IL1RAPL1: variants seen among roughly 807,000 people sequenced by gnomAD.
IL1RAPL1 encodes interleukin-1 receptor accessory protein-like 1.
Under a neutral mutation model 48.4 loss-of-function variants are expected in IL1RAPL1, and 3 were observed. That is an observed-to-expected ratio of 0.06 (90% CI 0.03 to 0.16). IL1RAPL1 has a LOEUF of 0.16. IL1RAPL1 is among the 10% of genes least tolerant of loss of function. The pLI, the probability that IL1RAPL1 is intolerant of heterozygous loss-of-function variation, is 1.00. For synonymous variants in IL1RAPL1, 185 were observed against 187.7 expected, an observed-to-expected ratio of 0.99 and a Z score of 0.12; for missense variants, 349 against 530.6, an observed-to-expected ratio of 0.66 and a Z score of 3.36.
chrX:29,195,503 T>A lies in IL1RAPL1; in HGVS notation c.83-87435T>A, dbSNP rs770313653. On this transcript the variant is annotated intron_variant, in intron 2 of 10. Coordinates refer to ENST00000378993, the MANE Select transcript of IL1RAPL1 (RefSeq NM_014271.4). Reference sequence around the variant, plus strand: ...GGGATAAGTACTTTTATCTCTCCAATATAGTAAATTCACCAATATCGTCCA... The same window carrying A: ...GGGATAAGTACTTTTATCTCTCCAAAATAGTAAATTCACCAATATCGTCCA... Among the ~76,000 whole-genome samples the A allele has an allele frequency of 3.6e-5, 4 of 110,266 alleles. No individual in the cohort carries two copies. The East Asian group carries it at 1.1e-3, about 31-fold the overall frequency.
chrX:29,790,100 G>A (rs1455393124), intron 6 of IL1RAPL1, among the ~76,000 whole-genome samples: 3 of 111,104 alleles, frequency 2.7e-5, no homozygotes, highest in Non-Finnish European at 5.7e-5. Context: ...TAGTGTCAAC[G>A]TTTTATCATG....
chrX:29,321,674 G>A (rs1420783995), intron 3 of IL1RAPL1, among the ~76,000 whole-genome samples: 3 of 111,725 alleles, frequency 2.7e-5, no homozygotes, highest in Non-Finnish European at 3.8e-5. Context: ...TACTTTTGGA[G>A]AGAGTGATAA....
chrX:29,822,520 A>G (rs1245943383), intron 6 of IL1RAPL1, among the ~76,000 whole-genome samples: 2 of 110,113 alleles, frequency 1.8e-5, no homozygotes, highest in African/African-American at 6.6e-5. Context: ...AAGGTAGTCT[A>G]GTAAAGTCTT....
intron 1 of IL1RAPL1, among the ~76,000 whole-genome samples, chrX:28,670,982 T>C (rs763789013): frequency 1.8e-5 from 2 of 112,195 alleles, no homozygotes; most frequent in African/African-American, 6.5e-5. Flanking sequence ...TCTTCTGAAG[T>C]TTAAGTCTGT....
chrX:28,981,018 G>C (rs1421877484), intron 2 of IL1RAPL1, among the ~76,000 whole-genome samples: 1 of 95,904 alleles, frequency 1.0e-5, no homozygotes, highest in African/African-American at 3.9e-5. Flanking sequence ...TTGAGCCTGG[G>C]AGATTGAGAG....
intron 6 of IL1RAPL1, among the ~76,000 whole-genome samples, chrX:29,764,539 A>C (rs1417130331): frequency 8.9e-6 from 1 of 111,914 alleles, no homozygotes; most frequent in Non-Finnish European, 1.9e-5. Flanking sequence ...CTTTTTAAGG[A>C]TCAGTCAATA....
intron 2 of IL1RAPL1, among the ~76,000 whole-genome samples, chrX:28,876,675 G>A (rs773248498): frequency 1.8e-5 from 2 of 109,999 alleles, no homozygotes; most frequent in Admixed American, 1.9e-4. Context: ...ACAGAAACCT[G>A]CAAGCTGCAG....
At chrX:29,794,168 T>C (rs1430380027) in intron 6 of IL1RAPL1, among the ~76,000 whole-genome samples, 1 of 111,797 alleles carries the variant, frequency 8.9e-6, no homozygotes, top group Non-Finnish European at 1.9e-5. Flanking sequence ...TTTTATGGAG[T>C]TGGAGTAAAC....
At chrX:29,734,461 G>A (rs1399550456) in intron 6 of IL1RAPL1, among the ~76,000 whole-genome samples, 2 of 111,773 alleles carry the variant, frequency 1.8e-5, no homozygotes, top group South Asian at 3.8e-4. Context: ...GACAGGACGC[G>A]GTACAGAGCA....
At chrX:28,877,397 T>G (rs1225597354) in intron 2 of IL1RAPL1, among the ~76,000 whole-genome samples, 2 of 112,533 alleles carry the variant, frequency 1.8e-5, no homozygotes, top group African/African-American at 6.5e-5. Flanking sequence ...TGTTAAATAA[T>G]TCATAGATTA....
intron 6 of IL1RAPL1, among the ~76,000 whole-genome samples, chrX:29,846,034 C>T (rs1420471719): frequency 9.0e-6 from 1 of 111,504 alleles, no homozygotes; most frequent in Non-Finnish European, 1.9e-5. Context: ...CCACTTCCAG[C>T]ACTGGGGATT....
intron 2 of IL1RAPL1, among the ~76,000 whole-genome samples, chrX:28,839,962 A>G (rs972913159): frequency 1.8e-5 from 2 of 110,677 alleles, no homozygotes; most frequent in African/African-American, 6.5e-5. Context: ...TAAATATTTG[A>G]GCATAAGTAT....
chrX:29,488,306 C>T (rs1015707671), intron 5 of IL1RAPL1, among the ~76,000 whole-genome samples: 6 of 111,301 alleles, frequency 5.4e-5, no homozygotes, highest in South Asian at 7.5e-4. Flanking sequence ...GGTGTGGGGG[C>T]GTGCGCCTGT....
chrX:29,161,817 G>T (rs62586205), intron 2 of IL1RAPL1, among the ~76,000 whole-genome samples: 1,774 of 112,042 alleles, frequency 0.016, 17 homozygotes, highest in Non-Finnish European at 0.023. Flanking sequence ...TAAGGATCTA[G>T]AACCAGAAAT....
In IL1RAPL1 at chrX:29,281,705, AAC is replaced by A. The variant is rs1263753217; in HGVS notation, c.83-1229_83-1228del. On this transcript the variant is annotated intron_variant, in intron 2 of 10. Transcript: ENST00000378993. ...CAGTTTGGGTCCAGTTAGAGAAAAA[AAC>A]ACAGTCATTTGAACAGTGAAAGTTT... Among the ~76,000 whole-genome samples, 3 of 112,150 alleles carry A rather than the reference AAC, an allele frequency of 2.7e-5. No homozygotes were observed. The East Asian group carries it at 8.4e-4, about 31-fold the overall frequency.
intron 5 of IL1RAPL1, among the ~76,000 whole-genome samples, chrX:29,554,423 C>T (rs1260085167): frequency 9.0e-6 from 1 of 111,353 alleles, no homozygotes; most frequent in African/African-American, 3.3e-5. Context: ...GGCTCATTTC[C>T]ACAGTGGCTG....
intron 2 of IL1RAPL1, among the ~76,000 whole-genome samples, chrX:29,089,712 C>T (rs1435965198): frequency 1.3e-5 from 1 of 74,416 alleles, no homozygotes; most frequent in Non-Finnish European, 2.4e-5. Context: ...TCCTTATGGT[C>T]GTCGTTCGTT....
At chrX:28,606,002 C>T (rs1043232280) in intron 1 of IL1RAPL1, among the ~76,000 whole-genome samples, 1 of 111,140 alleles carries the variant, frequency 9.0e-6, no homozygotes, top group Non-Finnish European at 1.9e-5. Context: ...AATTTCAATA[C>T]ACTCACCTCC....
intron 6 of IL1RAPL1, among the ~76,000 whole-genome samples, chrX:29,899,583 G>A (rs889684269): frequency 1.3e-4 from 14 of 106,013 alleles, no homozygotes; most frequent in South Asian, 4.4e-4. Context: ...TCACTCTGTC[G>A]CCCAGGCTGG....
Sources: gnomAD v4.1 joint callset for allele counts (sites outside exome capture counted in the v4.1 genomes callset) on GRCh38, gnomAD v4.1.1 for gene constraint, MANE v1.5 for transcripts, NCBI Gene and HGNC (gene_info 2026-07-23, HGNC 2026-07-21) for gene names.